The following NXPE2 variants were observed in gnomAD, a reference collection of about 807,000 sequenced individuals.
NXPE2 encodes the protein neurexophilin and PC-esterase domain family member 2.
NXPE2 carries 34 observed loss-of-function variants against 34.4 expected under a neutral mutation model. The ratio of observed to expected loss-of-function variants is 0.99; its 90% CI spans 0.75 to 1.31. The LOEUF (loss-of-function observed/expected upper bound fraction) is 1.31. NXPE2 is among the 40% of genes most tolerant of loss of function. The probability of loss-of-function intolerance (pLI) is 0.00; values close to 1 mark genes in which losing one functional copy is unlikely to be tolerated. For missense variants in NXPE2, 649 were observed against 672.5 expected (o/e 0.97, Z 0.39); for synonymous variants, 235 against 231.3 (o/e 1.02, Z -0.15).
the NXPE2 span, among the ~76,000 whole-genome samples, chr11:114,672,822 A>G: frequency 6.6e-6 from 1 of 151,880 alleles, no homozygotes; most frequent in African/African-American, 2.4e-5. Flanking sequence ...GAAAACCTAC[A>G]GAATTGAAAA....
At chr11:114,499,210 A>G in the NXPE2 span, among the ~76,000 whole-genome samples, 2 of 152,144 alleles carry the variant, frequency 1.3e-5, no homozygotes, top group African/African-American at 2.4e-5. Context: ...ATACTTCTAT[A>G]TCTGTGAATA....
chr11:114,738,016 G>A, the NXPE2 span, among the ~76,000 whole-genome samples: 1 of 152,294 alleles, frequency 6.6e-6, no homozygotes, highest in East Asian at 1.9e-4. Flanking sequence ...GAGCCCGGGG[G>A]GCGGAGGCTG....
the NXPE2 span, among the ~76,000 whole-genome samples, chr11:114,648,811 G>A: frequency 6.6e-6 from 1 of 152,026 alleles, no homozygotes; most frequent in Non-Finnish European, 1.5e-5. Flanking sequence ...CTTCTTGATA[G>A]TCTATAACTT....
the NXPE2 span, among the ~76,000 whole-genome samples, chr11:114,779,286 G>A: frequency 6.8e-6 from 1 of 146,228 alleles, no homozygotes; most frequent in Non-Finnish European, 1.5e-5. Flanking sequence ...ACTTTTTCCA[G>A]CTATCACACA....
At chr11:114,501,320 C>T in the NXPE2 span, among the ~76,000 whole-genome samples, 2 of 152,180 alleles carry the variant, frequency 1.3e-5, no homozygotes, top group Admixed American at 6.5e-5. Flanking sequence ...GCTCTAAGCA[C>T]TACCCCTTAC....
chr11:114,786,377 C>A, the NXPE2 span, among the ~76,000 whole-genome samples: 1 of 137,938 alleles, frequency 7.2e-6, no homozygotes, highest in Middle Eastern at 3.4e-3. Context: ...CGCCCCACCC[C>A]ACATGACTTA....
chr11:114,598,953 C>T, the NXPE2 span, among the ~76,000 whole-genome samples: 3 of 152,198 alleles, frequency 2.0e-5, no homozygotes, highest in Non-Finnish European at 2.9e-5. Context: ...CTGCAGCCTT[C>T]CTGAATTCCT....
At chr11:114,518,777 G>A in the NXPE2 span, among the ~76,000 whole-genome samples, 2 of 152,196 alleles carry the variant, frequency 1.3e-5, no homozygotes, top group Non-Finnish European at 2.9e-5. Flanking sequence ...ACTTACCTCA[G>A]CCCAGGAAGG....
intron 2 of NXPE2, among the ~76,000 whole-genome samples, chr11:114,692,797 CTTCT>C (rs563346040): frequency 3.3e-5 from 5 of 151,892 alleles, no homozygotes; most frequent in South Asian, 4.2e-4. Flanking sequence ...ACTTTCTTTC[CTTCT>C]TTCTTTCTTT....
intron 3 of NXPE2, among the ~76,000 whole-genome samples, chr11:114,702,433 G>T (rs1340427960): frequency 6.6e-6 from 1 of 152,132 alleles, no homozygotes; most frequent in Non-Finnish European, 1.5e-5. Flanking sequence ...GAGAATAGAG[G>T]TTTGGTCAGA....
the NXPE2 span, among the ~76,000 whole-genome samples, chr11:114,631,067 C>T: frequency 4.0e-5 from 6 of 151,754 alleles, no homozygotes; most frequent in African/African-American, 1.5e-4. Context: ...CACTTTTACA[C>T]TGTTGGTGGG....
the NXPE2 span, among the ~76,000 whole-genome samples, chr11:114,542,564 TGGG>T: frequency 6.6e-6 from 1 of 152,030 alleles, no homozygotes; most frequent in South Asian, 2.1e-4. Flanking sequence ...AAAAAATTGG[TGGG>T]GGAGTGGGGA....
intron 2 of NXPE2, among the ~76,000 whole-genome samples, chr11:114,694,246 A>G (rs967291608): frequency 2.6e-5 from 4 of 152,230 alleles, no homozygotes; most frequent in African/African-American, 4.8e-5. Flanking sequence ...TACACCTTCA[A>G]TCTTAATTCC....
intron 2 of NXPE2, among the ~76,000 whole-genome samples, chr11:114,681,254 C>A (rs890366187): frequency 1.3e-5 from 2 of 152,172 alleles, no homozygotes; most frequent in Non-Finnish European, 2.9e-5. Context: ...ATTCAAAAAA[C>A]CTTTGTTAAA....
At chr11:114,701,631 T>G (rs1274108794) in intron 3 of NXPE2, among the ~76,000 whole-genome samples, 1 of 152,192 alleles carries the variant, frequency 6.6e-6, no homozygotes, top group Non-Finnish European at 1.5e-5. Context: ...CCAAGAAGTC[T>G]CATGGACCAT....
the NXPE2 span, among the ~76,000 whole-genome samples, chr11:114,720,738 AT>A: frequency 6.6e-6 from 1 of 152,206 alleles, no homozygotes. Context: ...AAATTAATTT[AT>A]TTCCTTATAC....
rs1035940357 is a variant in NXPE2 at position 114,705,930 on chromosome 11, CTTA to C, written c.1081_1083del (p.Ile361del). 1 of 1,540,500 alleles carries C rather than the reference CTTA, an allele frequency of 6.5e-7. No individual in the cohort carries two copies. The highest frequency in any genetic ancestry group is 1.4e-5 in the African/African-American group (1 of 72,484). On this transcript the variant is annotated inframe_deletion, in exon 5 of 6. Transcript: ENST00000389586. ...TATAAATGACTGCTTGGAAAGAAAACTTATTTATCTCATGGGAGATTCAACACT... is the reference window on the plus strand; with the variant it reads ...TATAAATGACTGCTTGGAAAGAAAACTTTATCTCATGGGAGATTCAACACT...
At chr11:114,801,195 G>GAAAATATC in the NXPE2 span, among the ~76,000 whole-genome samples, 9 of 152,294 alleles carry the variant, frequency 5.9e-5, no homozygotes, top group Admixed American at 4.6e-4. Flanking sequence ...AAAAGGAAAA[G>GAAAATATC]AGAATATCAG....
At chr11:114,629,489 C>T in the NXPE2 span, among the ~76,000 whole-genome samples, 1 of 151,308 alleles carries the variant, frequency 6.6e-6, no homozygotes, top group African/African-American at 2.4e-5. Flanking sequence ...GCTAAAAACT[C>T]TCAATAAATT....
Sources: gnomAD v4.1 joint callset for allele counts (sites outside exome capture counted in the v4.1 genomes callset) on GRCh38, gnomAD v4.1.1 for gene constraint, MANE v1.5 for transcripts, NCBI Gene and HGNC (gene_info 2026-07-23, HGNC 2026-07-21) for gene names.